The following CCDC42 variants were observed in gnomAD, a reference collection of about 807,000 sequenced individuals.
CCDC42 encodes the protein coiled-coil domain containing 42.
CCDC42 carries 38 observed loss-of-function variants against 40.8 expected under a neutral mutation model. The observed-to-expected ratio is 0.93, with a 90% CI of 0.72 to 1.22. The LOEUF is 1.22. Among genes scored for constraint, CCDC42 ranks in the 50% most tolerant of loss-of-function variants. CCDC42 has a pLI of 0.00. For missense variants in CCDC42, 379 were observed against 416.5 expected, an observed-to-expected ratio of 0.91 and a Z score of 0.78; for synonymous variants, 135 against 157.5, an observed-to-expected ratio of 0.86 and a Z score of 1.07.
Position 8,741,528 on chromosome 17 carries a change from C to A in CCDC42, c.438G>T (p.Leu146=). 2 of 1,614,234 alleles carry A rather than the reference C, an allele frequency of 1.2e-6. No homozygotes were observed. Among genetic ancestry groups the A allele is most frequent in the Non-Finnish European group, 1.7e-6 (2 of 1,180,050 alleles). The change falls in exon 4 of 7, where the codon CTG becomes CTT. Residue 146 remains leucine, a synonymous_variant. Coordinates refer to ENST00000293845, the MANE Select transcript of CCDC42 (RefSeq NM_144681.3). ...ACTTGTTGAAGATGTAGTAGTCCTT[C>A]AGCTTGGCGCTCAGCCGCTGGTGCT... ...RLEHQRLSAK[L]KDYYIFNKYL... is the part of the protein sequence containing the mutation.
intron 6 of CCDC42, among the ~76,000 whole-genome samples, chr17:8,734,121 T>C (rs2086596511): frequency 1.3e-5 from 2 of 152,178 alleles, no homozygotes; most frequent in African/African-American, 4.8e-5. Flanking sequence ...CGTCAAACAA[T>C]GCCACTCTTC....
chr17:8,738,898 G>A (rs780808488), intron 4 of CCDC42, among the ~76,000 whole-genome samples: 1 of 152,232 alleles, frequency 6.6e-6, no homozygotes, highest in Non-Finnish European at 1.5e-5. Context: ...TCTGAGGACA[G>A]GTGAAGAAAC....
At chr17:8,733,210 G>A (rs994280834) in intron 6 of CCDC42, among the ~76,000 whole-genome samples, 1 of 152,170 alleles carries the variant, frequency 6.6e-6, no homozygotes, top group Non-Finnish European at 1.5e-5. Flanking sequence ...AGGGCAGTCT[G>A]TATTTCTCTC....
At chr17:8,743,578 C>A in intron 3 of CCDC42, 48 bp downstream of exon 3, 1 of 1,094,310 alleles carries the variant, frequency 9.1e-7, no homozygotes, top group Non-Finnish European at 1.4e-6. Context: ...TGCCCACCTG[C>A]GGACTATGGA....
chr17:8,744,136 T>C lies in CCDC42; in HGVS notation c.132A>G (p.Leu44=), dbSNP rs775837743. 1 of 1,614,018 alleles carries C rather than the reference T, an allele frequency of 6.2e-7. No individual in the cohort carries two copies. The highest frequency in any genetic ancestry group is 1.7e-5 in the Admixed American group (1 of 59,996). Residue 44 remains leucine, a synonymous_variant, in exon 2 of 7, where the codon CTA becomes CTG. Coordinates refer to ENST00000293845, the MANE Select transcript of CCDC42 (RefSeq NM_144681.3). The part of the protein sequence containing the change: ...EGASESPSIW[L]LEKKKETEIM... Reference sequence around the variant, plus strand: ...TTTCTGTCTCCTTTTTCTTCTCCAGTAGCCAGATGGATGGGGACTCCGACG... The same window carrying C: ...TTTCTGTCTCCTTTTTCTTCTCCAGCAGCCAGATGGATGGGGACTCCGACG...
At chr17:8,743,786 C>A in intron 2 of CCDC42, 56 bp from the exon 3 acceptor site, 1 of 1,015,266 alleles carries the variant, frequency 9.8e-7, no homozygotes, top group Non-Finnish European at 1.6e-6. Context: ...ACATGAGTAC[C>A]AAGGAAGACC....
intron 4 of CCDC42, among the ~76,000 whole-genome samples, chr17:8,736,569 G>A (rs1337046089): frequency 2.0e-5 from 3 of 152,208 alleles, no homozygotes; most frequent in African/African-American, 4.8e-5. Context: ...GAAACTTCCC[G>A]AGCACCTTCT....
chr17:8,731,708 C>T (rs925770943), intron 6 of CCDC42, among the ~76,000 whole-genome samples: 9 of 152,058 alleles, frequency 5.9e-5, no homozygotes, highest in South Asian at 4.1e-4. Flanking sequence ...GATGAGAACA[C>T]GTGGACACAA....
Position 8,735,326 on chromosome 17 carries a change from T to C in CCDC42, c.714+64A>G. ...GTGTGTTTGTGTGTATGTGTGTGTG[T>C]GTATGCTCAGGGCCCGCACTCACCC... On this transcript the variant is annotated intron_variant, in intron 5 of 6. Transcript: ENST00000293845. The surrounding 1 kb of genome is among the most constrained non-coding windows in gnomAD (Gnocchi z 4.7). The C allele has an allele frequency of 6.2e-7, 1 of 1,611,156 alleles. No individual in the cohort carries two copies. Among genetic ancestry groups the C allele is most frequent in the Non-Finnish European group, 8.5e-7 (1 of 1,177,826 alleles).
At chr17:8,740,572 C>T (rs1038369940) in intron 4 of CCDC42, among the ~76,000 whole-genome samples, 6 of 151,502 alleles carry the variant, frequency 4.0e-5, no homozygotes, top group Middle Eastern at 3.2e-3. Flanking sequence ...GGAAGAGGCG[C>T]CCCCGCCGGA....
intron 6 of CCDC42, among the ~76,000 whole-genome samples, 178 bp from the exon 7 acceptor site, chr17:8,730,385 G>A (rs2086573124): frequency 6.6e-6 from 1 of 152,068 alleles, no homozygotes; most frequent in Non-Finnish European, 1.5e-5. Context: ...TGTCACCCAG[G>A]GTGGAGTGCA....
At position 8,735,255 on chromosome 17, in the gene CCDC42, C is replaced by T. The variant is rs771960880; in HGVS notation, c.715-1G>A. The T allele has an allele frequency of 6.2e-7, 1 of 1,614,148 alleles. No homozygotes were observed. On this transcript the variant is annotated splice_acceptor_variant, in intron 5 of 6. Coordinates refer to ENST00000293845, the MANE Select transcript of CCDC42 (RefSeq NM_144681.3). LOFTEE classifies it high-confidence loss of function. This position sits in a 1 kb window ranked among gnomAD's most constrained non-coding sequence, Gnocchi z 4.7. ...TCTGGATGTGCGCCCAGCGAGATTC[C>T]TGGAGAGTGGATAAGGACGGGGCAT...
chr17:8,732,026 C>T (rs1287607561), intron 6 of CCDC42, among the ~76,000 whole-genome samples: 7 of 150,994 alleles, frequency 4.6e-5, no homozygotes, highest in African/African-American at 4.9e-5. Flanking sequence ...TAAGGCCGGG[C>T]GCGGTGGCTC....
chr17:8,734,823 A>G (rs1244864247), intron 6 of CCDC42, among the ~76,000 whole-genome samples: 2 of 152,170 alleles, frequency 1.3e-5, no homozygotes, highest in Admixed American at 6.5e-5. Context: ...TGCTAATGCA[A>G]TGGTTCTCAA....
chr17:8,740,023 A>G (rs1371963790), intron 4 of CCDC42, among the ~76,000 whole-genome samples: 7 of 152,118 alleles, frequency 4.6e-5, no homozygotes, highest in African/African-American at 1.7e-4. Flanking sequence ...TTGATATGGA[A>G]ATTGTGGGAC....
chr17:8,735,084 C>G lies in CCDC42; in HGVS notation c.873+12G>C. On this transcript the variant is annotated intron_variant, in intron 6 of 6. Coordinates refer to ENST00000293845, the MANE Select transcript of CCDC42 (RefSeq NM_144681.3). The surrounding 1 kb of genome is among the most constrained non-coding windows in gnomAD (Gnocchi z 4.7). ...CGACCCCACGGGCCCAGTGCCTGTCCCCTCCTCCTACCATGTCCAGCTGCT... is the reference window on the plus strand; with the variant it reads ...CGACCCCACGGGCCCAGTGCCTGTCGCCTCCTCCTACCATGTCCAGCTGCT... 1.2e-6 allele frequency: 2 copies of G among 1,614,030 alleles called. No individual in the cohort carries two copies. The highest frequency in any genetic ancestry group is 2.2e-5 in the East Asian group (1 of 44,876).
intron 4 of CCDC42, among the ~76,000 whole-genome samples, chr17:8,739,324 C>G (rs116694173): frequency 1.3e-5 from 2 of 152,046 alleles, no homozygotes; most frequent in Non-Finnish European, 2.9e-5. Context: ...TGAGTTCTGG[C>G]GGGGCTGTGA....
chr17:8,743,671 T>G lies in CCDC42; in HGVS notation c.249A>C (p.Glu83Asp), dbSNP rs769030263. The G allele has an allele frequency of 6.2e-7, 1 of 1,613,152 alleles. No homozygotes were observed. The highest frequency in any genetic ancestry group is 8.5e-7 in the Non-Finnish European group (1 of 1,179,160). ...TCTGGATGTGAGCCTTCAGTTGGGC[T>G]TCCTTAACGCCCAGTTCCTCCCAGC... ...NLRWEELGVK[E>D]AQLKAHIQKS... is the part of the protein sequence containing the mutation. Residue 83 changes from glutamate (E) to aspartate (D), a missense_variant, in exon 3 of 7, where the codon GAA (glutamate) becomes GAC (aspartate). Coordinates refer to ENST00000293845, the MANE Select transcript of CCDC42 (RefSeq NM_144681.3).
intron 6 of CCDC42, among the ~76,000 whole-genome samples, chr17:8,733,924 C>T (rs1399814134): frequency 6.6e-6 from 1 of 152,166 alleles, no homozygotes; most frequent in African/African-American, 2.4e-5. Flanking sequence ...GAGGCCAAAA[C>T]TCTTTTTACG....
Sources: allele counts gnomAD v4.1 joint callset (sites outside exome capture counted in the v4.1 genomes callset), GRCh38; gene constraint gnomAD v4.1.1; non-coding constraint Gnocchi (gnomAD v3.1); transcripts MANE v1.5; gene names NCBI Gene and HGNC (gene_info 2026-07-23, HGNC 2026-07-21).